Variants in VCPIP1 observed in about 807,000 individuals in gnomAD.
The protein encoded by VCPIP1 is valosin containing protein interacting protein 1, also known as deubiquitinating protein VCPIP1.
A neutral mutation model predicts 85.0 loss-of-function variants in VCPIP1; 8 were observed. The observed-to-expected ratio is 0.09, with a 90% CI of 0.06 to 0.17. The LOEUF is 0.17. VCPIP1 is among the 10% of genes least tolerant of loss of function. VCPIP1 has a pLI of 1.00. For synonymous variants in VCPIP1, 543 were observed against 544.5 expected (o/e 1.00, Z 0.04); for missense variants, 1,070 against 1,486.3 (o/e 0.72, Z 4.61).
chr8:66,651,765 GA>G lies in VCPIP1; in HGVS notation c.2711-222del, dbSNP rs150376087. On this transcript the variant is annotated intron_variant, in intron 1 of 2. Transcript: ENST00000310421. The stretch of plus-strand genomic sequence containing the variant: ...CCAGCCACTGCCAAGTGCTGTCATG[GA>G]AGAGTGCACGCCTAGTGTCTCAAGA... 7.9e-3 allele frequency among the ~76,000 whole-genome samples: 1,208 copies of G among 152,262 alleles called. 14 individuals carry two copies. Among genetic ancestry groups the G allele is most frequent in the African/African-American group, 0.025 (1,050 of 41,546 alleles).
intron 2 of VCPIP1, among the ~76,000 whole-genome samples, chr8:66,649,453 G>A (rs1811031859): frequency 6.6e-6 from 1 of 152,068 alleles, no homozygotes; most frequent in African/African-American, 2.4e-5. Flanking sequence ...AGGCTGCAGT[G>A]AGCTATAACT....
chr8:66,637,839 G>A (rs904240616), intron 2 of VCPIP1, among the ~76,000 whole-genome samples: 4 of 152,112 alleles, frequency 2.6e-5, no homozygotes, highest in African/African-American at 9.7e-5. Context: ...AGGCGTGGTG[G>A]CAGGCACCTA....
Position 66,634,728 on chromosome 8 carries a change from CAGA to C in VCPIP1, c.3439_3441del (p.Ser1147del), listed in dbSNP as rs1794385060. ...CCAGTCTGAAGACTCCCAGACTTTG[CAGA>C]AGAACTCACAACTTCTGTTTTCCTT... On this transcript the variant is annotated inframe_deletion, in exon 3 of 3. Coordinates refer to ENST00000310421, the MANE Select transcript of VCPIP1 (RefSeq NM_025054.5). 6.2e-7 allele frequency: 1 copy of C among 1,614,182 alleles called. No individual in the cohort carries two copies. Among genetic ancestry groups the C allele is most frequent in the Non-Finnish European group, 8.5e-7 (1 of 1,180,028 alleles).
chr8:66,665,153 C>A lies in VCPIP1; in HGVS notation c.1806G>T (p.Val602=). ...GGAACCAATATACTGTTTCTCTGAC[C>A]ACTCTTCCACCCCATTCTAAAGTAA... ...FPITLEWGGR[V]VRETVYWFQY... is the part of the protein sequence containing the mutation. The change falls in exon 1 of 3, where the codon GTG becomes GTT. Residue 602 remains valine, a synonymous_variant. Coordinates refer to ENST00000310421, the MANE Select transcript of VCPIP1 (RefSeq NM_025054.5). The surrounding 1 kb of genome is among the most constrained non-coding windows in gnomAD (Gnocchi z 4.3). The A allele has an allele frequency of 1.2e-6, 2 of 1,611,358 alleles. No individual in the cohort carries two copies.
At chr8:66,637,243 T>G (rs1292039529) in intron 2 of VCPIP1, among the ~76,000 whole-genome samples, 2 of 151,726 alleles carry the variant, frequency 1.3e-5, no homozygotes, top group Admixed American at 1.3e-4. Context: ...CTCAGCTTTT[T>G]GGGAGGCTGA....
At position 66,634,098 on chromosome 8, in the gene VCPIP1, G is replaced by C. The variant is rs1810860641; in HGVS notation, c.*403C>G. 6.3e-6 allele frequency: 1 copy of C among 157,554 alleles called. No homozygotes were observed. Among genetic ancestry groups the C allele is most frequent in the Admixed American group, 6.5e-5 (1 of 15,456 alleles). 9.8% of individuals were successfully genotyped at this position (157,554 alleles called of 1,614,324 possible). A position where few individuals can be genotyped will look rare whatever the true frequency, so the allele number is the denominator to read the frequency against. On this transcript the variant is annotated 3_prime_UTR_variant, in exon 3 of 3. Coordinates refer to ENST00000310421, the MANE Select transcript of VCPIP1 (RefSeq NM_025054.5). ...TAAACCTTTTGACACTAGTATATGAGATGGTTACCTTGATGACATCAACAT... is the reference window on the plus strand; with the variant it reads ...TAAACCTTTTGACACTAGTATATGACATGGTTACCTTGATGACATCAACAT...
intron 1 of VCPIP1, among the ~76,000 whole-genome samples, chr8:66,652,197 A>G (rs574631510): frequency 2.6e-5 from 4 of 152,364 alleles, no homozygotes; most frequent in South Asian, 4.1e-4. Context: ...TTTCAAAAAA[A>G]GAAAAAACCA....
intron 1 of VCPIP1, among the ~76,000 whole-genome samples, chr8:66,656,531 T>G (rs1811102312): frequency 1.3e-5 from 2 of 152,254 alleles, no homozygotes; most frequent in South Asian, 4.1e-4. Context: ...TTTGAATTTT[T>G]TACTTTGCAA....
chr8:66,659,283 C>A (rs1811132915), intron 1 of VCPIP1, among the ~76,000 whole-genome samples: 1 of 151,184 alleles, frequency 6.6e-6, no homozygotes, highest in Non-Finnish European at 1.5e-5. Flanking sequence ...TGCAACCGCA[C>A]CAGGTCTACA....
Position 66,634,443 on chromosome 8 carries a change from G to A in VCPIP1, c.*58C>T, listed in dbSNP as rs1174555446. Reference sequence around the variant, plus strand: ...ATGACTAATCAAGTTACGTGGCCCAGCCAACAAATATTACATATTCACAAT... The same window carrying A: ...ATGACTAATCAAGTTACGTGGCCCAACCAACAAATATTACATATTCACAAT... On this transcript the variant is annotated 3_prime_UTR_variant, in exon 3 of 3. Transcript: ENST00000310421. 2.0e-6 allele frequency: 3 copies of A among 1,514,364 alleles called. No individual in the cohort carries two copies. In the African/African-American group the frequency reaches 4.2e-5, roughly 21 times the overall value. The allele number at this position is 1,514,364 out of a possible 1,614,324, so 93.8% of individuals were successfully genotyped here. A position where few individuals can be genotyped will look rare whatever the true frequency, so the allele number is the denominator to read the frequency against.
At position 66,667,095 on chromosome 8, in the gene VCPIP1, C is replaced by T; in HGVS notation, c.-137G>A. ...CCTTTCCCTACCAGCTCTTCCTCCT[C>T]CTAAGCGAAGGCGGAAGCGCCGGAC... is the stretch of plus-strand genomic sequence containing the variant. On this transcript the variant is annotated 5_prime_UTR_variant, in exon 1 of 3. Coordinates refer to ENST00000310421, the MANE Select transcript of VCPIP1 (RefSeq NM_025054.5). 1 of 1,397,062 alleles carries T rather than the reference C, an allele frequency of 7.2e-7. No homozygotes were observed. The highest frequency in any genetic ancestry group is 9.3e-7 in the Non-Finnish European group (1 of 1,078,358). 86.5% of individuals were successfully genotyped at this position (1,397,062 alleles called of 1,614,324 possible).
At chr8:66,635,607 C>T (rs142006084) in intron 2 of VCPIP1, among the ~76,000 whole-genome samples, 1,639 of 152,246 alleles carry the variant, frequency 0.011, 14 homozygotes, top group Non-Finnish European at 0.016. Flanking sequence ...TCTTAACTAA[C>T]AGCAAAGTTA....
Position 66,651,617 on chromosome 8 carries a change from T to C in VCPIP1, c.2711-73A>G. 3.3e-6 allele frequency: 4 copies of C among 1,224,996 alleles called. No homozygotes were observed. In the South Asian group the frequency reaches 5.2e-5, roughly 16 times the overall value. 75.9% of individuals were successfully genotyped at this position (1,224,996 alleles called of 1,614,324 possible). A position where few individuals can be genotyped will look rare whatever the true frequency, so the allele number is the denominator to read the frequency against. ...CATCCAGGGCTGCTTTAGTAAGGAT[T>C]AGCCTAGAATAAACATCAAGGCAGA... On this transcript the variant is annotated intron_variant, in intron 1 of 2. Coordinates refer to ENST00000310421, the MANE Select transcript of VCPIP1 (RefSeq NM_025054.5).
intron 2 of VCPIP1, among the ~76,000 whole-genome samples, chr8:66,637,166 T>C (rs940365100): frequency 6.6e-6 from 1 of 151,708 alleles, no homozygotes; most frequent in Non-Finnish European, 1.5e-5. Context: ...CTGGGCAACA[T>C]GGTAAGACCC....
intron 1 of VCPIP1, among the ~76,000 whole-genome samples, chr8:66,652,693 TAAAC>T (rs1238843991): frequency 1.3e-5 from 2 of 151,368 alleles, no homozygotes; most frequent in African/African-American, 2.4e-5. Flanking sequence ...AACCAAGAAA[TAAAC>T]AGAAGGGGCT....
At chr8:66,650,047 T>A (rs901519694) in intron 2 of VCPIP1, among the ~76,000 whole-genome samples, 3 of 149,056 alleles carry the variant, frequency 2.0e-5, no homozygotes, top group African/African-American at 7.8e-5. Context: ...TTTTTTTAGG[T>A]TGTAATAATG....
At chr8:66,646,207 G>C (rs1347737038) in intron 2 of VCPIP1, among the ~76,000 whole-genome samples, 3 of 151,748 alleles carry the variant, frequency 2.0e-5, no homozygotes, top group East Asian at 3.9e-4. Context: ...CAAATAGCTG[G>C]GATTATGGGC....
chr8:66,650,496 C>T (rs992270070), intron 2 of VCPIP1, among the ~76,000 whole-genome samples: 2 of 152,100 alleles, frequency 1.3e-5, no homozygotes, highest in African/African-American at 4.8e-5. Context: ...GCCTGGCAAC[C>T]TCTCTCCTAA....
At position 66,664,531 on chromosome 8, in the gene VCPIP1, T is replaced by C; in HGVS notation, c.2428A>G (p.Ile810Val). The change falls in exon 1 of 3, where the codon ATT becomes GTT. Residue 810 changes from isoleucine (I) to valine (V), a missense_variant. This residue lies in a region of VCPIP1 where 278 missense variants were observed against 298.5 expected (regional missense o/e 0.93). Coordinates refer to ENST00000310421, the MANE Select transcript of VCPIP1 (RefSeq NM_025054.5). ...CGAATACACTGTAAATATGGAGGAA[T>C]GTTGAATTCTCTGGCTATACTTTCC... ...LQESIAREFN[I>V]PPYLQCIRYG... is the part of the protein sequence containing the mutation. 2 of 1,614,214 alleles carry C rather than the reference T, an allele frequency of 1.2e-6. No individual in the cohort carries two copies. The highest frequency in any genetic ancestry group is 1.7e-6 in the Non-Finnish European group (2 of 1,180,056).
Sources: allele counts gnomAD v4.1 joint callset (sites outside exome capture counted in the v4.1 genomes callset), GRCh38; gene constraint gnomAD v4.1.1; regional missense constraint gnomAD v4.1.1; non-coding constraint Gnocchi (gnomAD v3.1); transcripts MANE v1.5; gene names NCBI Gene and HGNC (gene_info 2026-07-23, HGNC 2026-07-21).